The following SGK3 variants were observed in gnomAD, a reference collection of about 807,000 sequenced individuals.
The protein encoded by SGK3 is serine/threonine-protein kinase Sgk3.
A neutral mutation model predicts 68.5 loss-of-function variants in SGK3; 47 were observed. That is an observed-to-expected ratio of 0.69 (90% CI 0.54 to 0.87). SGK3 has a LOEUF of 0.87. Ranked by LOEUF, SGK3 falls within the 40% of genes least tolerant of loss-of-function variation. SGK3 has a pLI of 0.00. For missense variants in SGK3, 479 were observed against 575.5 expected, an observed-to-expected ratio of 0.83 and a Z score of 1.72; for synonymous variants, 181 against 189.1, an observed-to-expected ratio of 0.96 and a Z score of 0.35.
chr8:66,842,467 G>A (rs1404543385), intron 13 of SGK3, among the ~76,000 whole-genome samples: 1 of 151,820 alleles, frequency 6.6e-6, no homozygotes, highest in African/African-American at 2.4e-5. Flanking sequence ...TGATCCACCC[G>A]CCTCAGCCTC....
intron 1 of SGK3, chr8:66,767,602 T>C (rs1165740863): frequency 7.3e-7 from 1 of 1,371,748 alleles, no homozygotes; most frequent in Non-Finnish European, 1.0e-6. Flanking sequence ...ATGTGCAATC[T>C]GGTGCTCTTC....
intron 1 of SGK3, among the ~76,000 whole-genome samples, chr8:66,760,197 G>C (rs1202250236): frequency 6.6e-6 from 1 of 151,214 alleles, no homozygotes; most frequent in Admixed American, 6.6e-5. Flanking sequence ...GAGAGCAGAC[G>C]AGGTCATGGT....
chr8:66,761,819 T>G (rs1458144180), intron 1 of SGK3, among the ~76,000 whole-genome samples: 1 of 152,090 alleles, frequency 6.6e-6, no homozygotes, highest in Non-Finnish European at 1.5e-5. Flanking sequence ...CACCTTTTTA[T>G]TATATAAAAT....
At chr8:66,724,210 C>G (rs2130347102) in intron 1 of SGK3, among the ~76,000 whole-genome samples, 1 of 152,356 alleles carries the variant, frequency 6.6e-6, no homozygotes, top group East Asian at 1.9e-4. Flanking sequence ...AAACTCCTGG[C>G]CTCAAGCTAT....
Position 66,798,608 on chromosome 8 carries a change from G to T in SGK3, c.163G>T (p.Asp55Tyr). Residue 55 changes from aspartate (D) to tyrosine (Y), a missense_variant, in exon 3 of 17, where the codon GAT becomes TAT. Transcript: ENST00000521198. ...TGTCTTCAGGAGATATGCAGAGTTT[G>T]ATAAACTTTATAACACTGTAAGTAA... ...WFVFRRYAEFDKLYNTLKKQF... is the reference protein window; with the variant it reads ...WFVFRRYAEFYKLYNTLKKQF... 1 of 1,610,108 alleles carries T rather than the reference G, an allele frequency of 6.2e-7. No homozygotes were observed. The highest frequency in any genetic ancestry group is 1.1e-5 in the South Asian group (1 of 90,236).
At chr8:66,818,133 A>G (rs1170202302) in intron 5 of SGK3, among the ~76,000 whole-genome samples, 2 of 151,490 alleles carry the variant, frequency 1.3e-5, no homozygotes, top group South Asian at 2.1e-4. Flanking sequence ...CAGCAAAAGC[A>G]AAAAAACAAA....
At chr8:66,718,150 G>T (rs917808434) in intron 1 of SGK3, among the ~76,000 whole-genome samples, 1 of 150,754 alleles carries the variant, frequency 6.6e-6, no homozygotes, top group South Asian at 2.1e-4. Context: ...CTCAGCCTCC[G>T]AAGTAGCTGG....
At position 66,840,196 on chromosome 8, in the gene SGK3, C is replaced by T. The variant is rs1250993987; in HGVS notation, c.855-15C>T. ...TTGTATTCAGTTTTGCGTTTCTTTC[C>T]TTTTAATTTGATAGAGACTTGAAAC... On this transcript the variant is annotated splice_polypyrimidine_tract_variant and intron_variant, in intron 11 of 16. Coordinates refer to ENST00000521198, the MANE Select transcript of SGK3 (RefSeq NM_001033578.3). 6.3e-7 allele frequency: 1 copy of T among 1,593,564 alleles called. No homozygotes were observed. Among genetic ancestry groups the T allele is most frequent in the Non-Finnish European group, 8.5e-7 (1 of 1,171,120 alleles).
At chr8:66,847,500 C>A in intron 15 of SGK3, 152 bp downstream of exon 15, 1 of 1,276,960 alleles carries the variant, frequency 7.8e-7, no homozygotes, top group Non-Finnish European at 1.1e-6. Context: ...CAGTTTTCAC[C>A]TGTATTTATA....
rs533646125 is a variant in SGK3, at chr8:66,750,273, T to C, written c.-122+37440T>C. Reference sequence around the variant, plus strand: ...ATAAAATGTATGTACATTTCTGATATAATGCCTTCCTTTCTGGAAAATTCT... The same window carrying C: ...ATAAAATGTATGTACATTTCTGATACAATGCCTTCCTTTCTGGAAAATTCT... On this transcript the variant is annotated intron_variant, in intron 1 of 16. Transcript: ENST00000521198. Among the ~76,000 whole-genome samples the C allele has an allele frequency of 6.6e-5, 10 of 152,134 alleles. No individual in the cohort carries two copies. The South Asian group carries it at 2.1e-3, about 31-fold the overall frequency.
rs780057347 is a variant in SGK3 at position 66,843,547 on chromosome 8, G to A, written c.1074G>A (p.Leu358=). 6.2e-7 allele frequency: 1 copy of A among 1,612,634 alleles called. No homozygotes were observed. Among genetic ancestry groups the A allele is most frequent in the Admixed American group, 1.7e-5 (1 of 59,836 alleles). Residue 358 remains leucine, a splice_region_variant and synonymous_variant, in exon 14 of 17, where the codon TTG becomes TTA. Coordinates refer to ENST00000521198, the MANE Select transcript of SGK3 (RefSeq NM_001033578.3). ...TTCTGTATGAAATGCTGTATGGATTGGTATGTATTTCTATACCTCATTATT... is the reference window on the plus strand; with the variant it reads ...TTCTGTATGAAATGCTGTATGGATTAGTATGTATTTCTATACCTCATTATT... ...GAVLYEMLYG[L]PPFYCRDVAE... is the part of the protein sequence containing the mutation.
At chr8:66,854,396 A>G (rs974029880) in intron 16 of SGK3, among the ~76,000 whole-genome samples, 1 of 152,126 alleles carries the variant, frequency 6.6e-6, no homozygotes, top group Non-Finnish European at 1.5e-5. Context: ...TAATCCCTAA[A>G]TTAAAAGTAT....
chr8:66,724,530 C>T (rs751885361), intron 1 of SGK3, among the ~76,000 whole-genome samples: 17 of 152,180 alleles, frequency 1.1e-4, no homozygotes, highest in East Asian at 7.8e-4. Context: ...GAGCTGAGAT[C>T]GCACCACTGC....
At chr8:66,768,087 A>T in intron 1 of SGK3, 1 of 495,650 alleles carries the variant, frequency 2.0e-6, no homozygotes, top group South Asian at 2.0e-5. Flanking sequence ...ATTATACCAC[A>T]TCACTTATAG....
At chr8:66,741,723 G>C (rs1041323407) in intron 1 of SGK3, among the ~76,000 whole-genome samples, 3 of 151,866 alleles carry the variant, frequency 2.0e-5, no homozygotes, top group Non-Finnish European at 4.4e-5. Flanking sequence ...AAAAAAATAA[G>C]AAAAAAAGAA....
intron 16 of SGK3, among the ~76,000 whole-genome samples, chr8:66,857,399 T>C (rs1810557006): frequency 6.6e-6 from 1 of 152,166 alleles, no homozygotes; most frequent in African/African-American, 2.4e-5. Context: ...TTTTAAGGGT[T>C]CCCTTCCCTG....
chr8:66,813,255 G>T (rs1158728119), intron 4 of SGK3, among the ~76,000 whole-genome samples: 2 of 152,078 alleles, frequency 1.3e-5, no homozygotes, highest in Non-Finnish European at 2.9e-5. Context: ...CTCAATCTCA[G>T]ACGAAAAAAG....
intron 1 of SGK3, among the ~76,000 whole-genome samples, chr8:66,716,844 A>G (rs1367938831): frequency 6.6e-6 from 1 of 152,190 alleles, no homozygotes; most frequent in African/African-American, 2.4e-5. Flanking sequence ...CATCAAGTGC[A>G]GAAGTGTTCT....
In SGK3 at chr8:66,722,026, C is replaced by A. The variant is rs145537832; in HGVS notation, c.-122+9193C>A. 4.3e-4 allele frequency among the ~76,000 whole-genome samples: 66 copies of A among 152,162 alleles called. 1 individual carries two copies. The East Asian group carries it at 9.9e-3, about 23-fold the overall frequency. On this transcript the variant is annotated intron_variant, in intron 1 of 16. Coordinates refer to ENST00000521198, the MANE Select transcript of SGK3 (RefSeq NM_001033578.3). Reference sequence around the variant, plus strand: ...GAAAGCTTGGATCAGATCCTTGGGACTTACAGAAGAAGCAATACTGGTTCA... The same window carrying A: ...GAAAGCTTGGATCAGATCCTTGGGAATTACAGAAGAAGCAATACTGGTTCA...
Sources: allele counts gnomAD v4.1 joint callset (sites outside exome capture counted in the v4.1 genomes callset), GRCh38; gene constraint gnomAD v4.1.1; transcripts MANE v1.5; gene names NCBI Gene and HGNC (gene_info 2026-07-23, HGNC 2026-07-21).